The following STX3 variants were observed in gnomAD, a reference collection of about 807,000 sequenced individuals.
The protein encoded by STX3 is syntaxin 3.
In STX3, 19 loss-of-function variants were observed where a neutral mutation model predicts 40.2. The ratio of observed to expected loss-of-function variants is 0.47; its 90% confidence interval spans 0.33 to 0.69. The LOEUF (loss-of-function observed/expected upper bound fraction) is 0.69, where lower values mean the gene tolerates loss of function less well. STX3 is among the 30% of genes least tolerant of loss of function. The pLI, the probability that STX3 is intolerant of heterozygous loss-of-function variation, is 0.02. For missense variants in STX3, 364 were observed against 366.7 expected (o/e 0.99, Z 0.06); for synonymous variants, 122 against 132.2 (o/e 0.92, Z 0.53).
chr11:59,796,727 T>A (rs1320269364), intron 9 of STX3, among the ~76,000 whole-genome samples: 2 of 152,228 alleles, frequency 1.3e-5, no homozygotes, highest in Non-Finnish European at 2.9e-5. Flanking sequence ...TCTGTCCACA[T>A]ATACAGAACT....
rs896712799 is a variant in STX3, at chr11:59,755,409, G to A, written c.-197G>A. The A allele has an allele frequency of 7.7e-5, 34 of 442,162 alleles. No homozygotes were observed. The highest frequency in any genetic ancestry group is 1.2e-4 in the Non-Finnish European group (32 of 272,216). 27.4% of individuals were successfully genotyped at this position (442,162 alleles called of 1,614,324 possible). ...AGCGCGAGGCGCCGGTGGGGGCGGA[G>A]GGGGCTGCGCGGCGGAGGCTCCCGT... is the stretch of plus-strand genomic sequence containing the variant. On this transcript the variant is annotated 5_prime_UTR_variant, in exon 1 of 11. Coordinates refer to ENST00000337979, the MANE Select transcript of STX3 (RefSeq NM_004177.5).
chr11:59,786,200 C>T lies in STX3; in HGVS notation c.115-837C>T, dbSNP rs534746389. ...TCCTGAGACCTTCATTGCCTAGTATCTCTCTTTTTCTCTCCTTGTTTTCTT... is the reference window on the plus strand; with the variant it reads ...TCCTGAGACCTTCATTGCCTAGTATTTCTCTTTTTCTCTCCTTGTTTTCTT... On this transcript the variant is annotated intron_variant, in intron 2 of 10. Transcript: ENST00000337979. 6.2e-4 allele frequency among the ~76,000 whole-genome samples: 94 copies of T among 151,406 alleles called. 1 individual carries two copies. Among genetic ancestry groups the T allele is most frequent in the African/African-American group, 2.3e-3 (93 of 41,280 alleles).
Position 59,800,999 on chromosome 11 carries a change from C to T in STX3, c.*175C>T, listed in dbSNP as rs933487109. On this transcript the variant is annotated 3_prime_UTR_variant, in exon 11 of 11. Coordinates refer to ENST00000337979, the MANE Select transcript of STX3 (RefSeq NM_004177.5). ...ACCTGACTCAGCTAACAATCTAGCC[C>T]TGGGGGAATGTGATCTACCTGATGC... The T allele has an allele frequency of 2.4e-5, 37 of 1,527,156 alleles. No individual in the cohort carries two copies. The East Asian group carries it at 4.9e-4, about 20-fold the overall frequency. 94.6% of individuals were successfully genotyped at this position (1,527,156 alleles called of 1,614,324 possible).
Position 59,781,642 on chromosome 11 carries a change from C to A in STX3, c.115-5395C>A, listed in dbSNP as rs572874674. Reference sequence around the variant, plus strand: ...ATTTTTCGCAAAGCTATTCCCACTCCTAGCTCCTTCATGTATTCATCAAAG... The same window carrying A: ...ATTTTTCGCAAAGCTATTCCCACTCATAGCTCCTTCATGTATTCATCAAAG... On this transcript the variant is annotated intron_variant, in intron 2 of 10. Coordinates refer to ENST00000337979, the MANE Select transcript of STX3 (RefSeq NM_004177.5). 2.2e-4 allele frequency: 347 copies of A among 1,612,934 alleles called. 4 individuals carry two copies. The South Asian group carries it at 3.6e-3, about 17-fold the overall frequency.
At position 59,800,257 on chromosome 11, in the gene STX3, T is replaced by C. The variant is rs80082509; in HGVS notation, c.*31-598T>C. ...ATGTCACCCAAGGGAGAGAGGTCTCTGAACAGGAGGGTAGACAGTGTGTTT... is the reference window on the plus strand; with the variant it reads ...ATGTCACCCAAGGGAGAGAGGTCTCCGAACAGGAGGGTAGACAGTGTGTTT... On this transcript the variant is annotated intron_variant, in intron 10 of 10. Transcript: ENST00000337979. 4.9e-3 allele frequency: 4,873 copies of C among 985,416 alleles called. 25 individuals are homozygous for C. The highest frequency in any genetic ancestry group is 9.0e-3 in the African/African-American group (516 of 57,362). The allele number at this position is 985,416 out of a possible 1,614,324, so 61.0% of individuals were successfully genotyped here. A position where few individuals can be genotyped will look rare whatever the true frequency, so the allele number is the denominator to read the frequency against.
intron 1 of STX3, among the ~76,000 whole-genome samples, chr11:59,771,578 G>T (rs1863650118): frequency 6.6e-6 from 1 of 152,084 alleles, no homozygotes; most frequent in African/African-American, 2.4e-5. Flanking sequence ...TACAGAGGTT[G>T]TCCGAGCTGA....
At chr11:59,758,859 G>T (rs1296054412) in intron 1 of STX3, among the ~76,000 whole-genome samples, 1 of 152,234 alleles carries the variant, frequency 6.6e-6, no homozygotes, top group Non-Finnish European at 1.5e-5. Context: ...CTGTGTGCCA[G>T]TCCTTGTACT....
At chr11:59,769,446 G>C (rs1863447504) in intron 1 of STX3, among the ~76,000 whole-genome samples, 1 of 152,170 alleles carries the variant, frequency 6.6e-6, no homozygotes, top group African/African-American at 2.4e-5. Context: ...AAGGTCTGTG[G>C]GGGTATTACT....
At chr11:59,794,549 A>G (rs1054320092) in intron 8 of STX3, among the ~76,000 whole-genome samples, 4 of 152,094 alleles carry the variant, frequency 2.6e-5, no homozygotes, top group African/African-American at 9.7e-5. Context: ...AAGTCCCTCC[A>G]TCCCACCTCT....
chr11:59,756,035 C>T (rs1273196289), intron 1 of STX3, among the ~76,000 whole-genome samples: 2 of 152,198 alleles, frequency 1.3e-5, no homozygotes, highest in Non-Finnish European at 2.9e-5. Context: ...ACAGGCCTGG[C>T]TGCCCCTTCC....
At position 59,803,331 on chromosome 11, in the gene STX3, C is replaced by A. The variant is rs1865968244; in HGVS notation, c.*2507C>A. On this transcript the variant is annotated 3_prime_UTR_variant, in exon 11 of 11. Transcript: ENST00000337979. ...CCATCTGTGGGGAGGGTCAGACCTT[C>A]TTTCACTGACTTGAAACCTTTGTGT... 8.2e-7 allele frequency: 1 copy of A among 1,214,374 alleles called. No individual in the cohort carries two copies. Among genetic ancestry groups the A allele is most frequent in the East Asian group, 3.2e-5 (1 of 31,626 alleles). The allele number at this position is 1,214,374 out of a possible 1,614,324, so 75.2% of individuals were successfully genotyped here. A position where few individuals can be genotyped will look rare whatever the true frequency, so the allele number is the denominator to read the frequency against.
At chr11:59,789,030 C>A in intron 4 of STX3, 83 bp downstream of exon 4, 2 of 1,270,172 alleles carry the variant, frequency 1.6e-6, no homozygotes, top group Non-Finnish European at 2.2e-6. Flanking sequence ...CGAACTGAAA[C>A]TCCTCTTGAT....
chr11:59,789,271 C>T (rs1270512678), intron 4 of STX3: 15 of 241,290 alleles, frequency 6.2e-5, no homozygotes, highest in African/African-American at 1.2e-4. Context: ...TTTTTTGAGA[C>T]GGAGTCTCAC....
chr11:59,792,631 T>C (rs933924113), intron 6 of STX3, among the ~76,000 whole-genome samples: 3 of 152,036 alleles, frequency 2.0e-5, no homozygotes, highest in Non-Finnish European at 4.4e-5. Context: ...TTTAGGAATG[T>C]AGTAATGTGG....
chr11:59,795,293 GAA>G lies in STX3; in HGVS notation c.676-77_676-76del, dbSNP rs1376352730. ...CTCTTCTTGCCACTGAAGATTGTAA[GAA>G]AGAGAATCCCTTCCCCGCATTGGCT... is the stretch of plus-strand genomic sequence containing the variant. On this transcript the variant is annotated intron_variant, in intron 8 of 10. Transcript: ENST00000337979. 39 of 1,209,476 alleles carry G rather than the reference GAA, an allele frequency of 3.2e-5. 1 individual carries two copies. The South Asian group carries it at 5.3e-4, about 16-fold the overall frequency. 74.9% of individuals were successfully genotyped at this position (1,209,476 alleles called of 1,614,324 possible). A position where few individuals can be genotyped will look rare whatever the true frequency, so the allele number is the denominator to read the frequency against.
At chr11:59,790,656 T>C in intron 5 of STX3, 70 bp downstream of exon 5, 1 of 322,696 alleles carries the variant, frequency 3.1e-6, no homozygotes, top group Non-Finnish European at 4.9e-6. Flanking sequence ...TGTGGAGGGA[T>C]TTTTTTTTTT....
At chr11:59,762,163 G>A (rs965418231) in intron 1 of STX3, among the ~76,000 whole-genome samples, 2 of 152,272 alleles carry the variant, frequency 1.3e-5, no homozygotes, top group Non-Finnish European at 2.9e-5. Flanking sequence ...TGACCTTGGC[G>A]GCAGGGCTCC....
intron 1 of STX3, among the ~76,000 whole-genome samples, chr11:59,771,414 G>GC (rs1336802832): frequency 1.5e-4 from 6 of 41,140 alleles, no homozygotes; most frequent in African/African-American, 5.7e-4. Flanking sequence ...CCCCCCCCCC[G>GC]CCCGCCCACA....
chr11:59,777,348 A>G (rs551841311), intron 2 of STX3, among the ~76,000 whole-genome samples: 1 of 152,330 alleles, frequency 6.6e-6, no homozygotes, highest in Admixed American at 6.5e-5. Context: ...CTTCCGGATA[A>G]TTCTGTTGCC....
Sources: allele counts gnomAD v4.1 joint callset (sites outside exome capture counted in the v4.1 genomes callset), GRCh38; gene constraint gnomAD v4.1.1; transcripts MANE v1.5; gene names NCBI Gene and HGNC (gene_info 2026-07-23, HGNC 2026-07-21).